The following UBN1 variants were observed in gnomAD, a reference collection of about 807,000 sequenced individuals.
UBN1 encodes ubinuclein-1.
Under a neutral mutation model 108.5 loss-of-function variants are expected in UBN1, and 17 were observed. The ratio of observed to expected loss-of-function variants is 0.16; its 90% CI spans 0.11 to 0.24. UBN1 has a LOEUF of 0.24. Ranked by LOEUF, UBN1 falls within the 10% of genes least tolerant of loss-of-function variation. The pLI is 1.00. For synonymous variants in UBN1, 726 were observed against 564.2 expected (o/e 1.29, Z -4.07); for missense variants, 1,595 against 1,394.4 (o/e 1.14, Z -2.29).
At position 4,877,669 on chromosome 16, in the gene UBN1, C is replaced by T; in HGVS notation, c.3355+195C>T. On this transcript the variant is annotated intron_variant, in intron 17 of 17. Coordinates refer to ENST00000262376, the MANE Select transcript of UBN1 (RefSeq NM_001079514.3). The surrounding 1 kb of genome is among the most constrained non-coding windows in gnomAD (Gnocchi z 4.3). Reference sequence around the variant, plus strand: ...TACTCTTGGGGTTTCCTCTGGTCCCCACTTGGAGCTGCCGCCAGGTCAGCC... The same window carrying T: ...TACTCTTGGGGTTTCCTCTGGTCCCTACTTGGAGCTGCCGCCAGGTCAGCC... 3 of 1,283,276 alleles carry T rather than the reference C, an allele frequency of 2.3e-6. No individual in the cohort carries two copies. The highest frequency in any genetic ancestry group is 2.0e-6 in the Non-Finnish European group (2 of 1,016,092). The allele number at this position is 1,283,276 out of a possible 1,614,324, so 79.5% of individuals were successfully genotyped here. A position where few individuals can be genotyped will look rare whatever the true frequency, so the allele number is the denominator to read the frequency against.
chr16:4,871,903 A>T (rs1051145944), intron 12 of UBN1, among the ~76,000 whole-genome samples: 9 of 152,136 alleles, frequency 5.9e-5, no homozygotes, highest in Non-Finnish European at 1.2e-4. Context: ...CTGTTTTAAC[A>T]TACAGGCTGC....
chr16:4,855,914 C>T (rs12926178), intron 2 of UBN1, among the ~76,000 whole-genome samples: 60,500 of 151,938 alleles, frequency 0.4, 14,998 homozygotes, highest in East Asian at 0.65. Flanking sequence ...GACTCCATCT[C>T]CCCCTACCAA....
At chr16:4,876,556 C>A (rs2142288824) in intron 15 of UBN1, among the ~76,000 whole-genome samples, 1 of 150,604 alleles carries the variant, frequency 6.6e-6, no homozygotes, top group African/African-American at 2.4e-5. Context: ...GAGACAGAGT[C>A]TGGCTCTGTC....
chr16:4,868,296 G>T (rs1265030740), intron 7 of UBN1, among the ~76,000 whole-genome samples: 1 of 152,108 alleles, frequency 6.6e-6, no homozygotes, highest in Non-Finnish European at 1.5e-5. Flanking sequence ...TAATATGGTG[G>T]GTTAATTATT....
Position 4,847,518 on chromosome 16 carries a change from C to T in UBN1, c.-732C>T, listed in dbSNP as rs1042188848. The T allele has an allele frequency of 1.6e-5, 8 of 504,752 alleles. No homozygotes were observed. The highest frequency in any genetic ancestry group is 8.9e-5 in the Admixed American group (2 of 22,356). The allele number at this position is 504,752 out of a possible 1,614,324, so 31.3% of individuals were successfully genotyped here. Reference sequence around the variant, plus strand: ...CTCCCTTCGGCTCGTGACAACGAAGCGCCCGCGGTCTGAGGCGGCGGCGGC... The same window carrying T: ...CTCCCTTCGGCTCGTGACAACGAAGTGCCCGCGGTCTGAGGCGGCGGCGGC... On this transcript the variant is annotated 5_prime_UTR_variant, in exon 1 of 18. Coordinates refer to ENST00000262376, the MANE Select transcript of UBN1 (RefSeq NM_001079514.3).
intron 14 of UBN1, among the ~76,000 whole-genome samples, chr16:4,873,910 C>T (rs935210347): frequency 2.0e-5 from 3 of 152,330 alleles, no homozygotes; most frequent in South Asian, 4.1e-4. Flanking sequence ...TATCTCTTCA[C>T]GAGAGTCTTA....
intron 7 of UBN1, among the ~76,000 whole-genome samples, chr16:4,863,472 G>C (rs902665825): frequency 6.6e-6 from 1 of 152,108 alleles, no homozygotes; most frequent in African/African-American, 2.4e-5. Context: ...GTGGATATTT[G>C]ATATTTGGAT....
At chr16:4,868,495 A>G (rs1235771126) in intron 7 of UBN1, among the ~76,000 whole-genome samples, 1 of 152,324 alleles carries the variant, frequency 6.6e-6, no homozygotes, top group East Asian at 1.9e-4. Context: ...GGAAATCCCA[A>G]CTAATGGTGT....
At chr16:4,865,064 A>C (rs576816953) in intron 7 of UBN1, among the ~76,000 whole-genome samples, 1 of 152,332 alleles carries the variant, frequency 6.6e-6, no homozygotes, top group South Asian at 2.1e-4. Flanking sequence ...TGGGATGTTT[A>C]ACCTCATTTA....
intron 2 of UBN1, among the ~76,000 whole-genome samples, chr16:4,854,070 G>A (rs1285991879): frequency 6.6e-6 from 1 of 152,084 alleles, no homozygotes; most frequent in African/African-American, 2.4e-5. Flanking sequence ...GTCTTACTCT[G>A]TCGCCCAGGC....
chr16:4,865,136 G>T (rs188662073), intron 7 of UBN1, among the ~76,000 whole-genome samples: 1 of 152,080 alleles, frequency 6.6e-6, no homozygotes, highest in East Asian at 1.9e-4. Context: ...TCTTTTTAGG[G>T]GTGAGGGACC....
Position 4,874,713 on chromosome 16 carries a change from C to G in UBN1, c.2303C>G (p.Pro768Arg). The G allele has an allele frequency of 4.3e-6, 7 of 1,614,116 alleles. No homozygotes were observed. Among genetic ancestry groups the G allele is most frequent in the Non-Finnish European group, 5.9e-6 (7 of 1,180,038 alleles). ...SGYKELSCQA[P>R]LNKGLPEVHQ... is the part of the protein sequence containing the mutation. The stretch of plus-strand genomic sequence containing the variant: ...TACAAAGAGCTGTCCTGCCAGGCTC[C>G]CCTCAATAAGGGCCTGCCAGAAGTA... The change falls in exon 15 of 18, where the codon CCC becomes CGC. Residue 768 changes from proline to arginine, a missense_variant. Transcript: ENST00000262376.
At chr16:4,852,126 C>G (rs1187862998) in intron 1 of UBN1, 1 of 152,158 alleles carries the variant, frequency 6.6e-6, no homozygotes, top group African/African-American at 2.4e-5. Context: ...AAAGTTCACA[C>G]TAGAATATGA....
Position 4,877,237 on chromosome 16 carries a change from A to T in UBN1, c.3265+126A>T. ...GTGACTGTGGGGAACATCTCCGGGA[A>T]CTGTGCCAAGCCCCCACTGCCCCTT... On this transcript the variant is annotated intron_variant, in intron 16 of 17. Transcript: ENST00000262376. The surrounding 1 kb of genome is among the most constrained non-coding windows in gnomAD (Gnocchi z 4.3). 1 of 1,513,728 alleles carries T rather than the reference A, an allele frequency of 6.6e-7. No homozygotes were observed. Among genetic ancestry groups the T allele is most frequent in the Non-Finnish European group, 8.8e-7 (1 of 1,131,566 alleles). 93.8% of individuals were successfully genotyped at this position (1,513,728 alleles called of 1,614,324 possible).
At position 4,858,013 on chromosome 16, in the gene UBN1, C is replaced by T. The variant is rs907716656; in HGVS notation, c.273C>T (p.Phe91=). The T allele has an allele frequency of 5.6e-6, 9 of 1,612,926 alleles. No individual in the cohort carries two copies. Among genetic ancestry groups the T allele is most frequent in the African/African-American group, 1.3e-5 (1 of 74,824 alleles). ...GDKKKDLSDP[F]NDEEKERHKV... is the part of the protein sequence containing the mutation. ...AGAAGAAAGATCTGTCAGATCCTTT[C>T]AATGACGAAGAAAAGGAAAGGCATA... is the stretch of plus-strand genomic sequence containing the variant. Residue 91 remains phenylalanine (F), a synonymous_variant, in exon 3 of 18, where the codon TTC becomes TTT. Coordinates refer to ENST00000262376, the MANE Select transcript of UBN1 (RefSeq NM_001079514.3).
rs186368017 is a variant in UBN1 at position 4,876,555 on chromosome 16, T to G, written c.3025-316T>G. Among the ~76,000 whole-genome samples the G allele has an allele frequency of 2.5e-3, 377 of 151,262 alleles. 4 individuals are homozygous for G. The highest frequency in any genetic ancestry group is 0.019 in the Admixed American group (285 of 15,190). On this transcript the variant is annotated intron_variant, in intron 15 of 17. Coordinates refer to ENST00000262376, the MANE Select transcript of UBN1 (RefSeq NM_001079514.3). ...GAGGCTTTTTTTTTTTGAGACAGAG[T>G]CTGGCTCTGTCACCTAGGCTGGACT... is the stretch of plus-strand genomic sequence containing the variant.
At chr16:4,861,687 A>G (rs959880476) in intron 7 of UBN1, among the ~76,000 whole-genome samples, 2 of 152,230 alleles carry the variant, frequency 1.3e-5, no homozygotes, top group Non-Finnish European at 2.9e-5. Context: ...CACGCCTGTA[A>G]TCCCAGCACT....
chr16:4,875,822 C>G (rs2087855328), intron 15 of UBN1, among the ~76,000 whole-genome samples: 1 of 152,166 alleles, frequency 6.6e-6, no homozygotes, highest in African/African-American at 2.4e-5. Context: ...TGGAGGTGTT[C>G]ATGGACCAGG....
rs1156753863 is a variant in UBN1 at position 4,881,958 on chromosome 16, G to A, written c.*1826G>A. 6.6e-6 allele frequency: 1 copy of A among 151,808 alleles called. No homozygotes were observed. The highest frequency in any genetic ancestry group is 1.9e-4 in the East Asian group (1 of 5,172). 9.4% of individuals were successfully genotyped at this position (151,808 alleles called of 1,614,324 possible). ...CCCTTTGGTGCTCCCTCCTCCCCAC[G>A]TACCATTGCGCGTGCAGCTGGAGCA... On this transcript the variant is annotated 3_prime_UTR_variant, in exon 18 of 18. Coordinates refer to ENST00000262376, the MANE Select transcript of UBN1 (RefSeq NM_001079514.3).
Sources: allele counts gnomAD v4.1 joint callset (sites outside exome capture counted in the v4.1 genomes callset), GRCh38; gene constraint gnomAD v4.1.1; non-coding constraint Gnocchi (gnomAD v3.1); transcripts MANE v1.5; gene names NCBI Gene and HGNC (gene_info 2026-07-23, HGNC 2026-07-21).